PNPLA7: variants seen among roughly 807,000 people sequenced by gnomAD.
PNPLA7 encodes the protein patatin like domain 7, lysophospholipase.
In PNPLA7, 153 loss-of-function variants were observed where a neutral mutation model predicts 161.7. The observed-to-expected ratio is 0.95, with a 90% CI of 0.83 to 1.08. The LOEUF (loss-of-function observed/expected upper bound fraction) is 1.08. Among genes scored for constraint, PNPLA7 ranks in the 50% least tolerant of loss-of-function variants. PNPLA7 has a pLI of 0.00. For missense variants in PNPLA7, 1,739 were observed against 1,856.6 expected, an observed-to-expected ratio of 0.94 and a Z score of 1.16; for synonymous variants, 809 against 782.1, an observed-to-expected ratio of 1.03 and a Z score of -0.57.
intron 16 of PNPLA7, 109 bp from the exon 17 acceptor site, chr9:137,498,354 A>T: frequency 6.7e-7 from 1 of 1,491,944 alleles, no homozygotes; most frequent in East Asian, 2.4e-5. Flanking sequence ...CCCCACCCGG[A>T]AAGTAGAGAG....
At position 137,512,249 on chromosome 9, in the gene PNPLA7, C is replaced by T. The variant is rs559359695; in HGVS notation, c.1225+3130G>A. Reference sequence around the variant, plus strand: ...AATGTGTACACGCTCGTGCAGTGGACGCACAGACGTAAACATTCACACGGC... The same window carrying T: ...AATGTGTACACGCTCGTGCAGTGGATGCACAGACGTAAACATTCACACGGC... On this transcript the variant is annotated intron_variant, in intron 12 of 34. Transcript: ENST00000406427. Among the ~76,000 whole-genome samples the T allele has an allele frequency of 9.2e-5, 14 of 152,388 alleles. No homozygotes were observed. In the South Asian group the frequency reaches 1.0e-3, roughly 11 times the overall value.
chr9:137,462,888 C>T (rs1481930854), intron 29 of PNPLA7, 55 bp from the exon 30 acceptor site: 26 of 1,599,480 alleles, frequency 1.6e-5, no homozygotes, highest in Non-Finnish European at 2.1e-5. Flanking sequence ...AGCCAGGGGA[C>T]GGGGGCAGAG....
Position 137,501,634 on chromosome 9 carries a change from C to G in PNPLA7, c.1551+16G>C, listed in dbSNP as rs572764750. On this transcript the variant is annotated intron_variant, in intron 15 of 34. Transcript: ENST00000406427. Reference sequence around the variant, plus strand: ...CATTGGGTGGTCCCAGTGCCCCCCCCCAGACCCCCGCTCACCTGGTCTCCC... The same window carrying G: ...CATTGGGTGGTCCCAGTGCCCCCCCGCAGACCCCCGCTCACCTGGTCTCCC... 4 of 1,610,528 alleles carry G rather than the reference C, an allele frequency of 2.5e-6. No individual in the cohort carries two copies. Among genetic ancestry groups the G allele is most frequent in the Admixed American group, 1.7e-5 (1 of 59,756 alleles).
intron 14 of PNPLA7, 33 bp downstream of exon 14, chr9:137,505,581 G>C (rs952549520): frequency 6.2e-7 from 1 of 1,610,908 alleles, no homozygotes; most frequent in Non-Finnish European, 8.5e-7. Flanking sequence ...CCCTGGGTGG[G>C]ACAAGGGCCA....
At chr9:137,506,160 C>T (rs914638144) in intron 12 of PNPLA7, 77 bp from the exon 13 acceptor site, 1 of 1,251,520 alleles carries the variant, frequency 8.0e-7, no homozygotes, top group Admixed American at 2.0e-5. Flanking sequence ...GCTGAGCACA[C>T]CCTGCAGTCT....
chr9:137,483,477 TAG>T (rs1237101856), intron 21 of PNPLA7, among the ~76,000 whole-genome samples: 1 of 152,130 alleles, frequency 6.6e-6, no homozygotes, highest in African/African-American at 2.4e-5. Flanking sequence ...ATTTTTGAGA[TAG>T]AGTCTTGCTC....
chr9:137,504,183 AAGGAAGAAGAAG>A (rs143590921), intron 14 of PNPLA7, among the ~76,000 whole-genome samples: 19,819 of 151,024 alleles, frequency 0.13, 1,370 homozygotes, highest in East Asian at 0.21. Context: ...AAGAAGGAAG[AAGGAAGAAGAAG>A]AGGAAGAAGA....
In PNPLA7 at chr9:137,479,058, G is replaced by T; in HGVS notation, c.2761C>A (p.Leu921Met). Reference protein sequence around the residue: ...RVFSRRSLPKLVEMYKHVFQR... With the variant: ...RVFSRRSLPKMVEMYKHVFQR... ...GCAGCCTCCTCTCCCCGCCTCACCA[G>T]CTTGGGCAGGCTCCTCCTGGAGAAG... The change falls in exon 24 of 35, where the codon CTG (leucine) becomes ATG (methionine). Residue 921 changes from leucine to methionine, a missense_variant and splice_region_variant. Physicochemically the swap from Leu to Met is conservative, Grantham distance 15. Around this residue, in one of 6 missense-constraint regions of PNPLA7, gnomAD observed 703 missense variants for 694.6 expected, o/e 1.01. Transcript: ENST00000406427. The T allele has an allele frequency of 6.3e-7, 1 of 1,581,314 alleles. No individual in the cohort carries two copies. Among genetic ancestry groups the T allele is most frequent in the Non-Finnish European group, 8.6e-7 (1 of 1,161,172 alleles).
intron 26 of PNPLA7, among the ~76,000 whole-genome samples, chr9:137,465,819 G>A (rs929970896): frequency 3.3e-5 from 5 of 152,114 alleles, no homozygotes; most frequent in East Asian, 1.9e-4. Context: ...ACCAAAGCTC[G>A]GTTTTGTTCC....
At position 137,541,708 on chromosome 9, in the gene PNPLA7, C is replaced by G. The variant is rs536143349; in HGVS notation, c.666+934G>C. On this transcript the variant is annotated intron_variant, in intron 7 of 34. Coordinates refer to ENST00000406427, the MANE Select transcript of PNPLA7 (RefSeq NM_001098537.3). The surrounding 1 kb of genome is among the most constrained non-coding windows in gnomAD (Gnocchi z 4.4). ...GGCAGGGTCTGGCCCAGCACCCACC[C>G]CCGAGCAGCGATTCAAAGGGTGGAA... is the stretch of plus-strand genomic sequence containing the variant. Among the ~76,000 whole-genome samples the G allele has an allele frequency of 6.6e-6, 1 of 152,208 alleles. No individual in the cohort carries two copies. Among genetic ancestry groups the G allele is most frequent in the Non-Finnish European group, 1.5e-5 (1 of 68,040 alleles).
In PNPLA7 at chr9:137,490,037, T is replaced by C. The variant is rs1832689881; in HGVS notation, c.2197+2976A>G. On this transcript the variant is annotated intron_variant, in intron 20 of 34. Coordinates refer to ENST00000406427, the MANE Select transcript of PNPLA7 (RefSeq NM_001098537.3). The surrounding 1 kb of genome is among the most constrained non-coding windows in gnomAD (Gnocchi z 4.1). ...CCCAAACAGGACAGATCCAAAGTAT[T>C]CATGCTCAGACACTTCCAAATCACA... Among the ~76,000 whole-genome samples the C allele has an allele frequency of 6.6e-6, 1 of 152,206 alleles. No individual in the cohort carries two copies. Among genetic ancestry groups the C allele is most frequent in the Non-Finnish European group, 1.5e-5 (1 of 68,040 alleles).
At chr9:137,484,810 C>T in intron 20 of PNPLA7, 74 bp from the exon 21 acceptor site, 1 of 1,476,670 alleles carries the variant, frequency 6.8e-7, no homozygotes, top group South Asian at 1.3e-5. Context: ...CCTGGGGCCC[C>T]CCGAGGCTGC....
chr9:137,475,694 A>G (rs28849429), intron 25 of PNPLA7, among the ~76,000 whole-genome samples: 1 of 149,448 alleles, frequency 6.7e-6, no homozygotes, highest in Non-Finnish European at 1.5e-5. Flanking sequence ...TTTTTTTTTA[A>G]AAAAAAAGAA....
At chr9:137,464,510 ACAG>A (rs1288017751) in intron 26 of PNPLA7, 54 bp from the exon 27 acceptor site, 1 of 1,508,662 alleles carries the variant, frequency 6.6e-7, no homozygotes, top group African/African-American at 1.4e-5. Flanking sequence ...GCGGGCTGCC[ACAG>A]CAGACACGTG....
In PNPLA7 at chr9:137,519,934, T is replaced by C. The variant is rs776062168; in HGVS notation, c.1067A>G (p.Gln356Arg). Reference sequence around the variant, plus strand: ...GACAGTACCTGAGTCACAGGACTCCTGGAGCCGCGGTGGCTTTTTAAGCCG... The same window carrying C: ...GACAGTACCTGAGTCACAGGACTCCCGGAGCCGCGGTGGCTTTTTAAGCCG... ...EERLKKPPRL[Q>R]ESCDSDHGGG... is the part of the protein sequence containing the mutation. Residue 356 changes from glutamine (Q) to arginine (R), a missense_variant, in exon 11 of 35, where the codon CAG (glutamine) becomes CGG (arginine). Around this residue, in one of 6 missense-constraint regions of PNPLA7, gnomAD observed 481 missense variants for 450.0 expected, o/e 1.07. Coordinates refer to ENST00000406427, the MANE Select transcript of PNPLA7 (RefSeq NM_001098537.3). 5.0e-6 allele frequency: 8 copies of C among 1,612,550 alleles called. No homozygotes were observed. The highest frequency in any genetic ancestry group is 5.9e-6 in the Non-Finnish European group (7 of 1,179,804).
intron 14 of PNPLA7, among the ~76,000 whole-genome samples, chr9:137,502,688 G>A (rs1156591199): frequency 3.0e-5 from 3 of 100,232 alleles, no homozygotes; most frequent in Non-Finnish European, 6.3e-5. Flanking sequence ...GGAGATGAGG[G>A]GGACGGGGGG....
intron 8 of PNPLA7, among the ~76,000 whole-genome samples, chr9:137,533,595 C>A (rs821309): frequency 0.32 from 43,866 of 137,674 alleles, 7,509 homozygotes; most frequent in East Asian, 0.63. Context: ...CAGAATCCTC[C>A]ACAACAGTGT....
intron 12 of PNPLA7, among the ~76,000 whole-genome samples, chr9:137,507,199 G>C (rs1187324850): frequency 3.9e-5 from 6 of 152,254 alleles, no homozygotes; most frequent in Non-Finnish European, 8.8e-5. Context: ...CCCCCGTCAA[G>C]TCCTGCTGTT....
Position 137,500,891 on chromosome 9 carries a change from G to A in PNPLA7, c.1557C>T (p.Ala519=). The A allele has an allele frequency of 6.4e-7, 1 of 1,568,294 alleles. No homozygotes were observed. Among genetic ancestry groups the A allele is most frequent in the Non-Finnish European group, 8.6e-7 (1 of 1,160,836 alleles). Residue 519 remains alanine, a synonymous_variant, in exon 16 of 35, where the codon GCC becomes GCT. Coordinates refer to ENST00000406427, the MANE Select transcript of PNPLA7 (RefSeq NM_001098537.3). This position sits in a 1 kb window ranked among gnomAD's most constrained non-coding sequence, Gnocchi z 5.5. Reference sequence around the variant, plus strand: ...GCCCCGAGACCACGAACAGGATGCTGGCGTCCTGACACACGAGAGGGCTCA... The same window carrying A: ...GCCCCGAGACCACGAACAGGATGCTAGCGTCCTGACACACGAGAGGGCTCA... ...TVVSRQGDQD[A]SILFVVSGLL... is the part of the protein sequence containing the mutation.
Sources: gnomAD v4.1 joint callset for allele counts (sites outside exome capture counted in the v4.1 genomes callset) on GRCh38, gnomAD v4.1.1 for gene constraint, gnomAD v4.1.1 regional missense constraint, Gnocchi (gnomAD v3.1) non-coding constraint, MANE v1.5 for transcripts, NCBI Gene and HGNC (gene_info 2026-07-23, HGNC 2026-07-21) for gene names.